The following ADAMTS14 variants were observed in gnomAD, a reference collection of about 807,000 sequenced individuals.
ADAMTS14 encodes A disintegrin and metalloproteinase with thrombospondin motifs 14.
Under a neutral mutation model 128.6 loss-of-function variants are expected in ADAMTS14, and 100 were observed. That is an observed-to-expected ratio of 0.78 (90% CI 0.66 to 0.92). The LOEUF is 0.92. Ranked by LOEUF, ADAMTS14 falls within the 40% of genes least tolerant of loss-of-function variation. The pLI, the probability that ADAMTS14 is intolerant of heterozygous loss-of-function variation, is 0.00. For missense variants in ADAMTS14, 1,562 were observed against 1,658.6 expected, an observed-to-expected ratio of 0.94 and a Z score of 1.01; for synonymous variants, 665 against 653.8, an observed-to-expected ratio of 1.02 and a Z score of -0.26.
chr10:70,672,760 T>C lies in ADAMTS14; in HGVS notation c.-43T>C, dbSNP rs1839518230. The C allele has an allele frequency of 2.7e-6, 4 of 1,484,304 alleles. No homozygotes were observed. The highest frequency in any genetic ancestry group is 2.3e-5 in the Admixed American group (1 of 43,442). 91.9% of individuals were successfully genotyped at this position (1,484,304 alleles called of 1,614,324 possible). A position where few individuals can be genotyped will look rare whatever the true frequency, so the allele number is the denominator to read the frequency against. ...GCCTCGCCGCCCTCAGCCTGGGACT[T>C]GGGGATCGGGCGCTTGCCCAGCCCG... On this transcript the variant is annotated 5_prime_UTR_variant, in exon 1 of 22. Coordinates refer to ENST00000373207, the MANE Select transcript of ADAMTS14 (RefSeq NM_080722.4).
At chr10:70,695,492 C>T (rs1457323105) in intron 2 of ADAMTS14, among the ~76,000 whole-genome samples, 2 of 152,148 alleles carry the variant, frequency 1.3e-5, no homozygotes, top group Admixed American at 6.5e-5. Flanking sequence ...CCCGGATGGC[C>T]CATTAGAGGT....
At chr10:70,751,695 C>T (rs1250237609) in intron 17 of ADAMTS14, 49 bp downstream of exon 17, 1 of 1,584,246 alleles carries the variant, frequency 6.3e-7, no homozygotes, top group South Asian at 1.1e-5. Flanking sequence ...GCCCAGGATC[C>T]CTTGAGAGGC....
At position 70,672,584 on chromosome 10, in the gene ADAMTS14, G is replaced by C. The variant is rs1564513044; in HGVS notation, c.-219G>C. On this transcript the variant is annotated 5_prime_UTR_variant, in exon 1 of 22. Coordinates refer to ENST00000373207, the MANE Select transcript of ADAMTS14 (RefSeq NM_080722.4). ...GCGTCAGTGGCCCCGCTCTCCAGCC[G>C]GCAGCCTCGCGCGCCCGGAGCCAGC... Among the ~76,000 whole-genome samples the C allele has an allele frequency of 6.6e-6, 1 of 151,534 alleles. No individual in the cohort carries two copies. Among genetic ancestry groups the C allele is most frequent in the African/African-American group, 2.4e-5 (1 of 41,370 alleles).
At chr10:70,729,450 G>A (rs570771760) in intron 5 of ADAMTS14, 73 bp downstream of exon 5, 4 of 1,272,318 alleles carry the variant, frequency 3.1e-6, no homozygotes, top group East Asian at 2.3e-5. Flanking sequence ...ACCAGCAATG[G>A]TGTGGGCTGC....
At chr10:70,742,298 C>T (rs1263600248) in intron 12 of ADAMTS14, among the ~76,000 whole-genome samples, 2 of 151,692 alleles carry the variant, frequency 1.3e-5, no homozygotes, top group Admixed American at 1.3e-4. Context: ...GACCCAGGTC[C>T]CTACAGGAAT....
chr10:70,752,267 G>A (rs1564559596), intron 18 of ADAMTS14, 40 bp downstream of exon 18: 3 of 1,605,686 alleles, frequency 1.9e-6, no homozygotes, highest in Non-Finnish European at 2.6e-6. Context: ...CTGGTTCTAT[G>A]CCTAGCCCGG....
At chr10:70,743,265 ATTAC>A (rs1842062738) in intron 12 of ADAMTS14, among the ~76,000 whole-genome samples, 1 of 152,210 alleles carries the variant, frequency 6.6e-6, no homozygotes, top group Non-Finnish European at 1.5e-5. Flanking sequence ...TTGGCTTATT[ATTAC>A]TTTATCACTT....
intron 3 of ADAMTS14, among the ~76,000 whole-genome samples, chr10:70,705,221 C>G (rs370906396): frequency 2.0e-5 from 3 of 152,320 alleles, no homozygotes; most frequent in Admixed American, 6.5e-5. Flanking sequence ...GCCCTCACCC[C>G]GCGGCCCTGC....
chr10:70,691,497 A>C (rs796345580), intron 2 of ADAMTS14, among the ~76,000 whole-genome samples: 3 of 142,328 alleles, frequency 2.1e-5, no homozygotes, highest in African/African-American at 7.6e-5. Flanking sequence ...TAAAAAAAAA[A>C]AAAAAAAAAA....
In ADAMTS14 at chr10:70,686,860, G is replaced by A. The variant is rs1466807406; in HGVS notation, c.522+11865G>A. Among the ~76,000 whole-genome samples the A allele has an allele frequency of 2.6e-5, 2 of 77,904 alleles. 1 individual carries two copies. The allele number at this position is 77,904 out of a possible 152,430, so 51.1% of individuals were successfully genotyped here. A position where few individuals can be genotyped will look rare whatever the true frequency, so the allele number is the denominator to read the frequency against. The stretch of plus-strand genomic sequence containing the variant: ...GCGCCCCTCACCTCCCGGACGGGGC[G>A]GCTGGCTGGGCGGGGGGGGCTGACC... On this transcript the variant is annotated intron_variant, in intron 2 of 21. Transcript: ENST00000373207.
intron 3 of ADAMTS14, among the ~76,000 whole-genome samples, chr10:70,708,233 AG>A (rs921658614): frequency 6.6e-6 from 1 of 152,126 alleles, no homozygotes; most frequent in Non-Finnish European, 1.5e-5. Context: ...TTAGAGATAA[AG>A]GGTGGTTCAT....
intron 2 of ADAMTS14, among the ~76,000 whole-genome samples, chr10:70,691,613 A>G (rs1226523593): frequency 6.6e-6 from 1 of 151,954 alleles, no homozygotes; most frequent in Non-Finnish European, 1.5e-5. Context: ...ACATTAGCAC[A>G]GAGGGACTCC....
chr10:70,739,028 C>G, intron 11 of ADAMTS14, 38 bp downstream of exon 11: 1 of 1,572,566 alleles, frequency 6.4e-7, no homozygotes, highest in East Asian at 2.2e-5. Context: ...GGCAGGGAGT[C>G]CCTCCCCAGG....
At position 70,674,820 on chromosome 10, in the gene ADAMTS14, A is replaced by G; in HGVS notation, c.347A>G (p.Glu116Gly). 1 of 1,613,904 alleles carries G rather than the reference A, an allele frequency of 6.2e-7. No homozygotes were observed. Among genetic ancestry groups the G allele is most frequent in the Non-Finnish European group, 8.5e-7 (1 of 1,180,032 alleles). Reference protein sequence around the residue: ...LYFNVTVFGKELHLRLRPNRR... With the variant: ...LYFNVTVFGKGLHLRLRPNRR... The stretch of plus-strand genomic sequence containing the variant: ...TTCAATGTCACTGTTTTCGGGAAGG[A>G]ACTGCACTTGCGCCTGCGGCCCAAT... Residue 116 changes from glutamate (E) to glycine (G), a missense_variant, in exon 2 of 22, where the codon GAA becomes GGA. Coordinates refer to ENST00000373207, the MANE Select transcript of ADAMTS14 (RefSeq NM_080722.4).
chr10:70,733,862 C>T, intron 7 of ADAMTS14, 23 bp from the exon 8 acceptor site: 1 of 1,603,746 alleles, frequency 6.2e-7, no homozygotes, highest in Non-Finnish European at 8.5e-7. Flanking sequence ...TGTATCAGGA[C>T]TCCTCTGTCT....
In ADAMTS14 at chr10:70,760,949, C is replaced by T; in HGVS notation, c.*96C>T. 1 of 1,429,342 alleles carries T rather than the reference C, an allele frequency of 7.0e-7. No homozygotes were observed. Among genetic ancestry groups the T allele is most frequent in the South Asian group, 1.5e-5 (1 of 64,726 alleles). 88.5% of individuals were successfully genotyped at this position (1,429,342 alleles called of 1,614,324 possible). A position where few individuals can be genotyped will look rare whatever the true frequency, so the allele number is the denominator to read the frequency against. On this transcript the variant is annotated 3_prime_UTR_variant, in exon 22 of 22. Transcript: ENST00000373207. Reference sequence around the variant, plus strand: ...ACACATAGCAGGGCAGGCGCAAGCACAGACTTCATTTTAAATCATTCGCCT... The same window carrying T: ...ACACATAGCAGGGCAGGCGCAAGCATAGACTTCATTTTAAATCATTCGCCT...
intron 2 of ADAMTS14, among the ~76,000 whole-genome samples, chr10:70,677,068 C>G (rs1450750953): frequency 6.6e-6 from 1 of 152,172 alleles, no homozygotes; most frequent in Admixed American, 6.5e-5. Context: ...ATCCTGAAAA[C>G]CTCCCTTGTC....
Position 70,760,412 on chromosome 10 carries a change from T to C in ADAMTS14, c.3231T>C (p.Asp1077=). ...TCTTCTGCCAGATGGAAGTGCTCGATCGCTACTGCTCCATTCCCGGCTACC... is the reference window on the plus strand; with the variant it reads ...TCTTCTGCCAGATGGAAGTGCTCGACCGCTACTGCTCCATTCCCGGCTACC... ...RSVFCQMEVL[D]RYCSIPGYHR... The change falls in exon 22 of 22, where the codon GAT becomes GAC. Residue 1077 remains aspartate, a synonymous_variant. Coordinates refer to ENST00000373207, the MANE Select transcript of ADAMTS14 (RefSeq NM_080722.4). 6.2e-7 allele frequency: 1 copy of C among 1,609,062 alleles called. No homozygotes were observed. The highest frequency in any genetic ancestry group is 1.7e-4 in the Middle Eastern group (1 of 6,036).
chr10:70,728,529 A>G (rs1242495844), intron 4 of ADAMTS14, among the ~76,000 whole-genome samples: 1 of 152,238 alleles, frequency 6.6e-6, no homozygotes, highest in Non-Finnish European at 1.5e-5. Context: ...AGGGTGGACA[A>G]GCAGAGGCTG....
Sources: gnomAD v4.1 joint callset for allele counts (sites outside exome capture counted in the v4.1 genomes callset) on GRCh38, gnomAD v4.1.1 for gene constraint, MANE v1.5 for transcripts, NCBI Gene and HGNC (gene_info 2026-07-23, HGNC 2026-07-21) for gene names.